The following SPTBN1 variants were observed in gnomAD, a reference collection of about 807,000 sequenced individuals.
SPTBN1 encodes the protein spectrin beta, non-erythrocytic 1, also known as spectrin beta chain, non-erythrocytic 1.
Under a neutral mutation model 266.4 loss-of-function variants are expected in SPTBN1, and 32 were observed. That is an observed-to-expected ratio of 0.12 (90% CI 0.09 to 0.16). The LOEUF is 0.16. SPTBN1 is among the 10% of genes least tolerant of loss of function. The pLI is 1.00. For synonymous variants in SPTBN1, 1,336 were observed against 1,162.2 expected (o/e 1.15, Z -3.04); for missense variants, 2,296 against 3,067.1 (o/e 0.75, Z 5.94).
In SPTBN1 at chr2:54,659,988, G is replaced by C. The variant is rs1444130878; in HGVS notation, c.6409G>C (p.Gly2137Arg). ...VSQNGLPAEQGSPRMAETVDT... is the reference protein window; with the variant it reads ...VSQNGLPAEQRSPRMAETVDT... ...CCAAAACGGTTTGCCAGCTGAACAG[G>C]GATCTCCACGGGTTAGTTACCGCTC... is the stretch of plus-strand genomic sequence containing the variant. Residue 2137 changes from glycine to arginine, a missense_variant, in exon 32 of 36, where the codon GGA becomes CGA. By Grantham distance (125) the Gly-to-Arg change is moderately radical. Around this residue, in one of 12 missense-constraint regions of SPTBN1, gnomAD observed 347 missense variants for 368.5 expected, o/e 0.94. Transcript: ENST00000356805. The C allele has an allele frequency of 1.2e-6, 2 of 1,613,956 alleles. No homozygotes were observed. The highest frequency in any genetic ancestry group is 1.7e-6 in the Non-Finnish European group (2 of 1,179,996).
In SPTBN1 at chr2:54,629,492, C is replaced by G; in HGVS notation, c.2358C>G (p.His786Gln). The G allele has an allele frequency of 6.2e-7, 1 of 1,614,166 alleles. No individual in the cohort carries two copies. The highest frequency in any genetic ancestry group is 8.5e-7 in the Non-Finnish European group (1 of 1,180,042). ...EYSTQSLVKK[H>Q]KDVAEEIANY... is the part of the protein sequence containing the mutation. ...CCACACAGTCTCTGGTCAAGAAACA[C>G]AAGGACGTGGCGGAAGAGATCGCCA... The change falls in exon 14 of 36, where the codon CAC becomes CAG. Residue 786 changes from histidine to glutamine, a missense_variant. By Grantham distance (24) the His-to-Gln change is conservative. Coordinates refer to ENST00000356805, the MANE Select transcript of SPTBN1 (RefSeq NM_003128.3).
chr2:54,553,831 C>CA (rs1190795865), intron 2 of SPTBN1, among the ~76,000 whole-genome samples: 4 of 152,172 alleles, frequency 2.6e-5, no homozygotes, highest in African/African-American at 9.7e-5. Context: ...AAAGTTTACC[C>CA]ACTCAAGCTT....
intron 34 of SPTBN1, 147 bp from the exon 35 acceptor site, chr2:54,667,457 T>G (rs1572790448): frequency 1.6e-6 from 1 of 634,218 alleles, no homozygotes; most frequent in Non-Finnish European, 2.7e-6. Flanking sequence ...CCTGGGCGGG[T>G]CCCCAGGCTT....
intron 32 of SPTBN1, chr2:54,660,926 C>G (rs1170668939): frequency 1.0e-6 from 1 of 985,254 alleles, no homozygotes; most frequent in Non-Finnish European, 1.2e-6. Context: ...CTCCATTCAG[C>G]CGATGACTTC....
intron 3 of SPTBN1, among the ~76,000 whole-genome samples, chr2:54,611,932 C>T (rs1463390264): frequency 2.0e-5 from 3 of 152,232 alleles, no homozygotes; most frequent in Non-Finnish European, 2.9e-5. Context: ...TATATAGCTC[C>T]ACAACTATTC....
chr2:54,584,370 C>T (rs1253773700), intron 2 of SPTBN1, among the ~76,000 whole-genome samples: 1 of 152,132 alleles, frequency 6.6e-6, no homozygotes, highest in African/African-American at 2.4e-5. Context: ...TTCTGTACAT[C>T]TTCGTTTTCT....
intron 1 of SPTBN1, among the ~76,000 whole-genome samples, chr2:54,523,499 A>C (rs1396882736): frequency 2.0e-5 from 3 of 152,220 alleles, no homozygotes; most frequent in African/African-American, 4.8e-5. Context: ...AACAGCCATG[A>C]CAAAAGAGCA....
rs770985688 is a variant in SPTBN1, at chr2:54,628,381, C to T, written c.1798+131C>T. On this transcript the variant is annotated intron_variant, in intron 13 of 35. Transcript: ENST00000356805. This position sits in a 1 kb window ranked among gnomAD's most constrained non-coding sequence, Gnocchi z 4.3. ...GGGTTTGTCATGGGAGCATGAAATA[C>T]GGTGGAGTGGCCTTCTGAACACTAA... is the stretch of plus-strand genomic sequence containing the variant. 31 of 1,168,278 alleles carry T rather than the reference C, an allele frequency of 2.7e-5. 1 individual carries two copies. The highest frequency in any genetic ancestry group is 3.0e-4 in the Middle Eastern group (1 of 3,336). The allele number at this position is 1,168,278 out of a possible 1,614,324, so 72.4% of individuals were successfully genotyped here.
At chr2:54,504,458 T>C (rs1285774495) in intron 1 of SPTBN1, among the ~76,000 whole-genome samples, 2 of 151,926 alleles carry the variant, frequency 1.3e-5, no homozygotes, top group Non-Finnish European at 2.9e-5. Context: ...CAACCAACCA[T>C]GGATAGAAAA....
intron 3 of SPTBN1, among the ~76,000 whole-genome samples, chr2:54,604,135 G>A (rs922191155): frequency 1.3e-5 from 2 of 152,116 alleles, no homozygotes; most frequent in African/African-American, 4.8e-5. Context: ...AGTGCCCGGG[G>A]CTGTGCTCTG....
At chr2:54,538,180 A>G (rs1027653723) in intron 2 of SPTBN1, among the ~76,000 whole-genome samples, 5 of 152,382 alleles carry the variant, frequency 3.3e-5, no homozygotes, top group East Asian at 1.9e-4. Flanking sequence ...TGAATAAACA[A>G]AATTAACAAA....
At chr2:54,481,311 C>G (rs1237011623) in intron 1 of SPTBN1, among the ~76,000 whole-genome samples, 2 of 151,962 alleles carry the variant, frequency 1.3e-5, no homozygotes, top group African/African-American at 2.4e-5. Flanking sequence ...AGCTTTGGAA[C>G]TCTATCAGCA....
intron 1 of SPTBN1, among the ~76,000 whole-genome samples, chr2:54,463,384 G>C (rs1349882177): frequency 6.6e-6 from 1 of 152,252 alleles, no homozygotes; most frequent in Non-Finnish European, 1.5e-5. Context: ...AAACATGTTT[G>C]AGTTTGAGGT....
At chr2:54,472,032 T>TTTTTTTG in intron 1 of SPTBN1, among the ~76,000 whole-genome samples, 1 of 126,128 alleles carries the variant, frequency 7.9e-6, no homozygotes, top group African/African-American at 3.2e-5. Context: ...GTTTTTTTTT[T>TTTTTTTG]TTTTTTTTTT....
intron 26 of SPTBN1, among the ~76,000 whole-genome samples, chr2:54,652,047 T>C (rs1322731646): frequency 6.6e-6 from 1 of 152,032 alleles, no homozygotes; most frequent in Non-Finnish European, 1.5e-5. Context: ...CATATTCTAC[T>C]CTCATAGACA....
intron 2 of SPTBN1, among the ~76,000 whole-genome samples, chr2:54,543,593 T>G (rs1241062434): frequency 6.7e-6 from 1 of 149,196 alleles, no homozygotes; most frequent in African/African-American, 2.5e-5. Context: ...AAAATACTTG[T>G]TTTTTTTTTA....
At chr2:54,551,018 A>T (rs1162403641) in intron 2 of SPTBN1, among the ~76,000 whole-genome samples, 1 of 152,004 alleles carries the variant, frequency 6.6e-6, no homozygotes, top group Non-Finnish European at 1.5e-5. Flanking sequence ...TTTTCTTTTC[A>T]CAGCTCCTGG....
chr2:54,635,154 G>A (rs1679033491), intron 17 of SPTBN1, among the ~76,000 whole-genome samples: 1 of 152,222 alleles, frequency 6.6e-6, no homozygotes, highest in South Asian at 2.1e-4. Context: ...GAGAAAGTGA[G>A]AGATGGAAAA....
intron 1 of SPTBN1, among the ~76,000 whole-genome samples, chr2:54,507,894 G>A (rs1669658851): frequency 6.6e-6 from 1 of 151,142 alleles, no homozygotes; most frequent in African/African-American, 2.4e-5. Flanking sequence ...AGAAGGATTA[G>A]AAACGGCTAG....
Sources: allele counts gnomAD v4.1 joint callset (sites outside exome capture counted in the v4.1 genomes callset), GRCh38; gene constraint gnomAD v4.1.1; regional missense constraint gnomAD v4.1.1; non-coding constraint Gnocchi (gnomAD v3.1); transcripts MANE v1.5; gene names NCBI Gene and HGNC (gene_info 2026-07-23, HGNC 2026-07-21).